UGT1A5: variants seen among roughly 807,000 people sequenced by gnomAD.
UGT1A5 encodes the protein UDP-glucuronosyltransferase 1A5.
Under a neutral mutation model 40.3 loss-of-function variants are expected in UGT1A5, and 29 were observed. The observed-to-expected ratio is 0.72, with a 90% CI of 0.54 to 0.98. UGT1A5 has a LOEUF of 0.98. Among genes scored for constraint, UGT1A5 ranks in the 50% least tolerant of loss-of-function variants. The pLI is 0.00. For missense variants in UGT1A5, 678 were observed against 677.9 expected (o/e 1.00, Z 0.00); for synonymous variants, 257 against 262.5 (o/e 0.98, Z 0.20).
At position 233,732,704 on chromosome 2, in the gene UGT1A5, T is replaced by A. The variant is rs2078302376; in HGVS notation, c.867+18846T>A. 3.3e-5 allele frequency among the ~76,000 whole-genome samples: 5 copies of A among 152,126 alleles called. No homozygotes were observed. In the South Asian group the frequency reaches 1.0e-3, roughly 31 times the overall value. On this transcript the variant is annotated intron_variant, in intron 1 of 4. Coordinates refer to ENST00000373414, the MANE Select transcript of UGT1A5 (RefSeq NM_019078.2). ...ACCAGCACCCATGCTGTTTTGTTAC[T>A]GTAGCCTTGTAGTACAGTTTGAAGT...
intron 1 of UGT1A5, among the ~76,000 whole-genome samples, chr2:233,716,930 GCTC>G (rs2125650647): frequency 6.6e-6 from 1 of 152,262 alleles, no homozygotes; most frequent in South Asian, 2.1e-4. Flanking sequence ...GCCTTGGGCA[GCTC>G]CTCCTATTTC....
chr2:233,729,557 CT>C, intron 1 of UGT1A5: 1 of 1,614,146 alleles, frequency 6.2e-7, no homozygotes, highest in Non-Finnish European at 8.5e-7. Context: ...CTGAATGCTA[CT>C]TCCTTTGATG....
intron 1 of UGT1A5, chr2:233,755,812 A>C (rs1456850451): frequency 6.6e-6 from 1 of 152,248 alleles, no homozygotes; most frequent in African/African-American, 2.4e-5. Context: ...ATTAAAACAG[A>C]ATTAAAAAGA....
chr2:233,745,781 C>A (rs1693207389), intron 1 of UGT1A5, among the ~76,000 whole-genome samples: 1 of 150,162 alleles, frequency 6.7e-6, no homozygotes, highest in Non-Finnish European at 1.5e-5. Flanking sequence ...TGAGCTTAGA[C>A]AGGGGGGCTG....
At chr2:233,751,873 T>C (rs1694839350) in intron 1 of UGT1A5, among the ~76,000 whole-genome samples, 1 of 152,168 alleles carries the variant, frequency 6.6e-6, no homozygotes, top group African/African-American at 2.4e-5. Flanking sequence ...AATTACCCCG[T>C]CTTGGGTATG....
chr2:233,717,845 T>C, intron 1 of UGT1A5: 1 of 455,144 alleles, frequency 2.2e-6, no homozygotes, highest in Non-Finnish European at 4.4e-6. Context: ...ACCATTCTTA[T>C]CAGAACTTGG....
At position 233,769,521 on chromosome 2, in the gene UGT1A5, C is replaced by A. The variant is rs753723506; in HGVS notation, c.1307+1082C>A. The A allele has an allele frequency of 4.3e-6, 7 of 1,612,800 alleles. No homozygotes were observed. The East Asian group carries it at 1.6e-4, about 36-fold the overall frequency. On this transcript the variant is annotated intron_variant, in intron 4 of 4. Transcript: ENST00000373414. The surrounding 1 kb of genome is among the most constrained non-coding windows in gnomAD (Gnocchi z 4.4). ...TGTCCATTGCTTTCTCCCATGGTTACCTCCTTTAGAAAGAAGCAGCAGTCA... is the reference window on the plus strand; with the variant it reads ...TGTCCATTGCTTTCTCCCATGGTTAACTCCTTTAGAAAGAAGCAGCAGTCA...
chr2:233,744,926 T>C (rs1381342735), intron 1 of UGT1A5, among the ~76,000 whole-genome samples: 2 of 151,890 alleles, frequency 1.3e-5, no homozygotes, highest in East Asian at 1.9e-4. Context: ...GCTCCTTTTA[T>C]AAAATGACAC....
In UGT1A5 at chr2:233,767,833, T is replaced by C; in HGVS notation, c.1000-16T>C. On this transcript the variant is annotated splice_polypyrimidine_tract_variant and intron_variant, in intron 2 of 4. Transcript: ENST00000373414. ...TATGTTCTTTCTTTACGTTCTGCTC[T>C]TTTTGCCCCTCCCAGGTCCTGTGGC... 2 of 1,614,174 alleles carry C rather than the reference T, an allele frequency of 1.2e-6. No homozygotes were observed. Among genetic ancestry groups the C allele is most frequent in the Non-Finnish European group, 1.7e-6 (2 of 1,180,036 alleles).
chr2:233,767,131 C>T lies in UGT1A5; in HGVS notation c.965C>T (p.Ala322Val). The change falls in exon 2 of 5, where the codon GCA becomes GTA. Residue 322 changes from alanine to valine, a missense_variant. Coordinates refer to ENST00000373414, the MANE Select transcript of UGT1A5 (RefSeq NM_019078.2). ...VSEIPEKKAM[A>V]IADALGKIPQ... The stretch of plus-strand genomic sequence containing the variant: ...GAAATTCCAGAGAAGAAAGCTATGG[C>T]AATTGCTGATGCTTTGGGCAAAATC... 1 of 1,614,090 alleles carries T rather than the reference C, an allele frequency of 6.2e-7. No individual in the cohort carries two copies. The highest frequency in any genetic ancestry group is 8.5e-7 in the Non-Finnish European group (1 of 1,180,014).
chr2:233,721,547 C>A, intron 1 of UGT1A5: 1 of 164,174 alleles, frequency 6.1e-6, no homozygotes. Flanking sequence ...TAAATTTTTT[C>A]TTCAGTTTCT....
intron 1 of UGT1A5, among the ~76,000 whole-genome samples, chr2:233,745,958 CA>C (rs1693266177): frequency 6.6e-6 from 1 of 151,586 alleles, no homozygotes; most frequent in African/African-American, 2.4e-5. Context: ...AACTGGGGGA[CA>C]GGGGCCCTGA....
Position 233,713,300 on chromosome 2 carries a change from A to T in UGT1A5, c.309A>T (p.Thr103=). The change falls in exon 1 of 5, where the codon ACA becomes ACT. Residue 103 remains threonine (T), a synonymous_variant. Coordinates refer to ENST00000373414, the MANE Select transcript of UGT1A5 (RefSeq NM_019078.2). ...LLGHTQSFFE[T]EHLLMKFSRR... ...GTCACACTCAATCGTTCTTTGAAAC[A>T]GAACATCTTCTGATGAAATTTTCTA... The T allele has an allele frequency of 6.2e-7, 1 of 1,614,272 alleles. No individual in the cohort carries two copies. Among genetic ancestry groups the T allele is most frequent in the Non-Finnish European group, 8.5e-7 (1 of 1,180,052 alleles).
chr2:233,735,021 C>G (rs939464650), intron 1 of UGT1A5, among the ~76,000 whole-genome samples: 5 of 152,270 alleles, frequency 3.3e-5, no homozygotes, highest in Non-Finnish European at 5.9e-5. Context: ...CTGTAGATGT[C>G]TATTAGGTCT....
intron 1 of UGT1A5, among the ~76,000 whole-genome samples, chr2:233,746,400 G>T (rs1245323229): frequency 6.6e-6 from 1 of 151,734 alleles, no homozygotes. Context: ...GGAGCTGGGA[G>T]TGTGTCCAAT....
chr2:233,756,969 C>T (rs1044581590), intron 1 of UGT1A5, among the ~76,000 whole-genome samples: 2 of 151,840 alleles, frequency 1.3e-5, no homozygotes, highest in African/African-American at 2.4e-5. Context: ...TTGGTAAGCA[C>T]GCAATGAACA....
At chr2:233,728,661 G>A (rs577951721) in intron 1 of UGT1A5, among the ~76,000 whole-genome samples, 3 of 152,294 alleles carry the variant, frequency 2.0e-5, no homozygotes, top group South Asian at 2.1e-4. Flanking sequence ...GATGCGCTGC[G>A]TTACTCATAC....
chr2:233,724,213 C>A (rs2077189704), intron 1 of UGT1A5, among the ~76,000 whole-genome samples: 1 of 128,892 alleles, frequency 7.8e-6, no homozygotes, highest in Non-Finnish European at 1.7e-5. Flanking sequence ...CTGAGGGGCT[C>A]CTCACTTCCC....
At chr2:233,748,187 T>C (rs919383057) in intron 1 of UGT1A5, 2 of 1,565,066 alleles carry the variant, frequency 1.3e-6, no homozygotes, top group African/African-American at 2.7e-5. Flanking sequence ...GGTGCTTTTA[T>C]TTCTGCTTGT....
Sources: gnomAD v4.1 joint callset for allele counts (sites outside exome capture counted in the v4.1 genomes callset) on GRCh38, gnomAD v4.1.1 for gene constraint, Gnocchi (gnomAD v3.1) non-coding constraint, MANE v1.5 for transcripts, NCBI Gene and HGNC (gene_info 2026-07-23, HGNC 2026-07-21) for gene names.